The following RTL4 variants were observed in gnomAD, a reference collection of about 807,000 sequenced individuals.
RTL4 encodes the protein retrotransposon Gag-like protein 4.
RTL4 carries 4 observed loss-of-function variants against 5.3 expected under a neutral mutation model. That is an observed-to-expected ratio of 0.75 (90% CI 0.37 to 1.72). The LOEUF is 1.72. Among genes scored for constraint, RTL4 ranks in the 40% most tolerant of loss-of-function variants. The pLI, the probability that RTL4 is intolerant of heterozygous loss-of-function variation, is 0.04. For synonymous variants in RTL4, 98 were observed against 87.3 expected (o/e 1.12, Z -0.68); for missense variants, 260 against 227.1 (o/e 1.14, Z -0.93).
At chrX:112,164,214 T>A in the RTL4 span, among the ~76,000 whole-genome samples, 1 of 111,256 alleles carries the variant, frequency 9.0e-6, no homozygotes, top group South Asian at 3.9e-4. Flanking sequence ...TTCATGATAC[T>A]GCTTCTGTTG....
the RTL4 span, among the ~76,000 whole-genome samples, chrX:112,193,953 C>T: frequency 2.7e-5 from 3 of 111,751 alleles, no homozygotes; most frequent in East Asian, 8.5e-4. Context: ...GTCTCATGAG[C>T]TTCCTTAGTA....
upstream of RTL4, among the ~76,000 whole-genome samples, chrX:112,453,112 TA>T (rs1926771809): frequency 1.8e-5 from 2 of 111,021 alleles, no homozygotes; most frequent in African/African-American, 6.6e-5. Flanking sequence ...TCCAACTGAT[TA>T]ATGCTGGTGG....
At chrX:112,271,318 A>T in the RTL4 span, among the ~76,000 whole-genome samples, 1 of 113,468 alleles carries the variant, frequency 8.8e-6, no homozygotes, top group Non-Finnish European at 1.9e-5. Flanking sequence ...AAAGAACAAG[A>T]TAAGCAAATA....
At chrX:112,161,307 G>A in the RTL4 span, among the ~76,000 whole-genome samples, 1 of 111,821 alleles carries the variant, frequency 8.9e-6, no homozygotes, top group Non-Finnish European at 1.9e-5. Context: ...GAATTCTAAA[G>A]TCTTGCAATG....
At chrX:112,162,828 G>A in the RTL4 span, among the ~76,000 whole-genome samples, 3 of 111,276 alleles carry the variant, frequency 2.7e-5, no homozygotes, top group Admixed American at 9.6e-5. Flanking sequence ...TTTCTGCTCC[G>A]GAGGATCCTA....
At chrX:112,332,899 A>G in the RTL4 span, among the ~76,000 whole-genome samples, 2 of 111,112 alleles carry the variant, frequency 1.8e-5, no homozygotes, top group East Asian at 2.8e-4. Flanking sequence ...TCTTCCTTCA[A>G]TTGTGTCAGC....
At chrX:112,128,932 CAT>C in the RTL4 span, among the ~76,000 whole-genome samples, 6 of 111,283 alleles carry the variant, frequency 5.4e-5, no homozygotes, top group African/African-American at 2.0e-4. Context: ...ATTTATAAAT[CAT>C]ATGTCTGATA....
At chrX:112,397,894 C>T in the RTL4 span, among the ~76,000 whole-genome samples, 1 of 111,555 alleles carries the variant, frequency 9.0e-6, no homozygotes, top group Non-Finnish European at 1.9e-5. Context: ...TTTGAAGATT[C>T]CTTGGGATTT....
the RTL4 span, among the ~76,000 whole-genome samples, chrX:112,340,247 T>C: frequency 8.9e-6 from 1 of 112,016 alleles, no homozygotes; most frequent in African/African-American, 3.2e-5. Context: ...AAATTGCCCC[T>C]TTGCTTTCTC....
chrX:112,397,881 C>T, the RTL4 span, among the ~76,000 whole-genome samples: 1 of 111,821 alleles, frequency 8.9e-6, no homozygotes, highest in African/African-American at 3.2e-5. Context: ...TTTCTAGTAG[C>T]TTTTTGAAGA....
At chrX:112,169,026 C>CTTTT in the RTL4 span, among the ~76,000 whole-genome samples, 54 of 49,062 alleles carry the variant, frequency 1.1e-3, no homozygotes, top group African/African-American at 4.3e-3. Flanking sequence ...CTTTCTCTTT[C>CTTTT]TCTTTCTTTC....
At chrX:112,248,110 T>A in the RTL4 span, among the ~76,000 whole-genome samples, 3 of 112,621 alleles carry the variant, frequency 2.7e-5, no homozygotes, top group Non-Finnish European at 5.6e-5. Flanking sequence ...TAGGTTTTCA[T>A]GAGTAATCAA....
the RTL4 span, among the ~76,000 whole-genome samples, chrX:112,194,854 A>G: frequency 6.2e-5 from 7 of 112,430 alleles, no homozygotes; most frequent in African/African-American, 2.3e-4. Context: ...TACTAAGTTT[A>G]GAATGAAAGC....
At chrX:112,226,946 A>AAAAT in the RTL4 span, among the ~76,000 whole-genome samples, 8 of 76,875 alleles carry the variant, frequency 1.0e-4, no homozygotes, top group African/African-American at 5.9e-4. Context: ...AAAATAAAAT[A>AAAAT]AAAATAAAAT....
chrX:112,447,603 C>CT, the RTL4 span, among the ~76,000 whole-genome samples: 3 of 112,191 alleles, frequency 2.7e-5, no homozygotes, highest in Non-Finnish European at 3.8e-5. Flanking sequence ...TTAGACAACT[C>CT]TTTTTTTATC....
At chrX:112,088,062 G>T in the RTL4 span, among the ~76,000 whole-genome samples, 1 of 106,427 alleles carries the variant, frequency 9.4e-6, no homozygotes, top group African/African-American at 3.5e-5. Context: ...TATTGTCCAG[G>T]CACGTCTCAA....
At chrX:112,366,420 C>G in the RTL4 span, among the ~76,000 whole-genome samples, 1 of 111,565 alleles carries the variant, frequency 9.0e-6, no homozygotes, top group Non-Finnish European at 1.9e-5. Flanking sequence ...TCCTCACAAG[C>G]TCTGGATGTG....
the RTL4 span, among the ~76,000 whole-genome samples, chrX:112,308,172 C>T: frequency 9.0e-6 from 1 of 110,994 alleles, no homozygotes; most frequent in Non-Finnish European, 1.9e-5. Flanking sequence ...ATGGGGTGAG[C>T]GGGGTTAGAA....
chrX:112,141,714 A>T, the RTL4 span, among the ~76,000 whole-genome samples: 1 of 111,385 alleles, frequency 9.0e-6, no homozygotes, highest in Non-Finnish European at 1.9e-5. Flanking sequence ...CTAAGCTAGG[A>T]CACTATCAGG....
Sources: allele counts gnomAD v4.1 joint callset (sites outside exome capture counted in the v4.1 genomes callset), GRCh38; gene constraint gnomAD v4.1.1; transcripts MANE v1.5; gene names NCBI Gene and HGNC (gene_info 2026-07-23, HGNC 2026-07-21).